The following ARHGAP24 variants were observed in gnomAD, a reference collection of about 807,000 sequenced individuals.
ARHGAP24 encodes the protein rho GTPase-activating protein 24.
A neutral mutation model predicts 76.4 loss-of-function variants in ARHGAP24; 50 were observed. That is an observed-to-expected ratio of 0.65 (90% confidence interval 0.52 to 0.83). The LOEUF is 0.83. Among genes scored for constraint, ARHGAP24 ranks in the 40% least tolerant of loss-of-function variants. The pLI is 0.00. For missense variants in ARHGAP24, 930 were observed against 914.2 expected, an observed-to-expected ratio of 1.02 and a Z score of -0.22; for synonymous variants, 345 against 323.3, an observed-to-expected ratio of 1.07 and a Z score of -0.72.
chr4:85,536,508 C>T (rs1037600419), intron 1 of ARHGAP24, among the ~76,000 whole-genome samples: 2 of 152,086 alleles, frequency 1.3e-5, no homozygotes, highest in Non-Finnish European at 1.5e-5. Context: ...AAAAGTTATA[C>T]ACTTTTTTAT....
chr4:85,923,879 T>C (rs1444808892), intron 4 of ARHGAP24, 109 bp downstream of exon 4: 7 of 1,487,384 alleles, frequency 4.7e-6, no homozygotes, highest in Non-Finnish European at 5.6e-6. Flanking sequence ...GGGTGAATGT[T>C]AAAATAAATT....
intron 1 of ARHGAP24, among the ~76,000 whole-genome samples, chr4:85,479,631 AG>A (rs567314773): frequency 3.0e-4 from 46 of 152,310 alleles, no homozygotes; most frequent in African/African-American, 1.1e-3. Flanking sequence ...GGAAATTTAG[AG>A]GGGCAGCTTC....
intron 3 of ARHGAP24, among the ~76,000 whole-genome samples, chr4:85,863,091 C>G (rs1731993713): frequency 6.6e-6 from 1 of 152,132 alleles, no homozygotes; most frequent in African/African-American, 2.4e-5. Flanking sequence ...TCTCTAATCT[C>G]ATCTTGGGCC....
chr4:85,741,172 C>T (rs72656269), intron 3 of ARHGAP24, among the ~76,000 whole-genome samples: 11,129 of 152,148 alleles, frequency 0.073, 480 homozygotes, highest in Middle Eastern at 0.1. Context: ...AGGAGGTTTT[C>T]CTTCCTTCGG....
chr4:85,904,435 C>G (rs1378344783), intron 3 of ARHGAP24, among the ~76,000 whole-genome samples: 2 of 152,226 alleles, frequency 1.3e-5, no homozygotes, highest in African/African-American at 4.8e-5. Flanking sequence ...ACACTTCCCT[C>G]TCAGTCCCCA....
intron 1 of ARHGAP24, among the ~76,000 whole-genome samples, chr4:85,499,831 G>T (rs1723731731): frequency 6.6e-6 from 1 of 152,120 alleles, no homozygotes; most frequent in Non-Finnish European, 1.5e-5. Flanking sequence ...GAGGAACAGA[G>T]TTTTTAAGTT....
chr4:85,753,143 T>C (rs1726327291), intron 3 of ARHGAP24, among the ~76,000 whole-genome samples: 1 of 152,180 alleles, frequency 6.6e-6, no homozygotes, highest in Non-Finnish European at 1.5e-5. Context: ...AAAGAAAGAA[T>C]GTGTCTTTTT....
At chr4:85,964,516 T>C (rs1382537382) in intron 5 of ARHGAP24, among the ~76,000 whole-genome samples, 1 of 151,932 alleles carries the variant, frequency 6.6e-6, no homozygotes, top group African/African-American at 2.4e-5. Context: ...CAACACCACT[T>C]AGAGGCCAGC....
At chr4:85,874,548 C>T (rs1210715261) in intron 3 of ARHGAP24, among the ~76,000 whole-genome samples, 1 of 151,830 alleles carries the variant, frequency 6.6e-6, no homozygotes, top group Non-Finnish European at 1.5e-5. Flanking sequence ...TGTGAGAAAG[C>T]TCATCCCTGA....
intron 2 of ARHGAP24, among the ~76,000 whole-genome samples, chr4:85,642,999 A>C (rs12506145): frequency 5.9e-5 from 9 of 151,818 alleles, no homozygotes; most frequent in Non-Finnish European, 1.0e-4. Flanking sequence ...TCAAAACCCC[A>C]GTCATAATCC....
At chr4:86,000,442 C>CGGGGGGGGGGGGGGGGGGG in intron 9 of ARHGAP24, 37 bp from the exon 10 acceptor site, 3 of 807,892 alleles carry the variant, frequency 3.7e-6, no homozygotes, top group Non-Finnish European at 3.9e-6. Flanking sequence ...CTTACTCTTG[C>CGGGGGGGGGGGGGGGGGGG]GTCCCCACCC....
At chr4:85,858,944 A>AG (rs1277662432) in intron 3 of ARHGAP24, among the ~76,000 whole-genome samples, 1 of 129,938 alleles carries the variant, frequency 7.7e-6, no homozygotes, top group Non-Finnish European at 1.9e-5. Flanking sequence ...TATGGTACTC[A>AG]GAAAAAAAAA....
intron 6 of ARHGAP24, 144 bp downstream of exon 6, chr4:85,972,312 T>C (rs1578450240): frequency 9.8e-7 from 1 of 1,024,352 alleles, no homozygotes; most frequent in African/African-American, 1.7e-5. Context: ...CACTGAGACT[T>C]TCCGTATACA....
chr4:85,819,630 A>G (rs1034957313), intron 3 of ARHGAP24, among the ~76,000 whole-genome samples: 3 of 152,348 alleles, frequency 2.0e-5, no homozygotes, highest in African/African-American at 7.2e-5. Flanking sequence ...TTTTTGAAAA[A>G]TAGACTGGCC....
At chr4:85,979,311 CGTT>C (rs1247998866) in intron 8 of ARHGAP24, among the ~76,000 whole-genome samples, 2 of 152,000 alleles carry the variant, frequency 1.3e-5, no homozygotes, top group African/African-American at 4.8e-5. Context: ...TTTTTCAACT[CGTT>C]ATTGTGGTAA....
At position 85,569,217 on chromosome 4, in the gene ARHGAP24, T is replaced by C. The variant is rs556936217; in HGVS notation, c.-20-1305T>C. 3.3e-5 allele frequency among the ~76,000 whole-genome samples: 5 copies of C among 152,364 alleles called. No individual in the cohort carries two copies. In the South Asian group the frequency reaches 6.2e-4, roughly 19 times the overall value. On this transcript the variant is annotated intron_variant, in intron 1 of 9. Transcript: ENST00000395184. ...TGATAAAACAGGGACTTTGTTTATA[T>C]GCCTGGACAGGAATAATCTACGTTT...
intron 2 of ARHGAP24, among the ~76,000 whole-genome samples, chr4:85,647,661 T>C (rs1721774285): frequency 6.6e-6 from 1 of 152,154 alleles, no homozygotes; most frequent in African/African-American, 2.4e-5. Context: ...CTACAGTAGT[T>C]GATCAGGAGA....
intron 3 of ARHGAP24, among the ~76,000 whole-genome samples, chr4:85,888,590 T>C (rs1387432938): frequency 1.3e-5 from 2 of 152,064 alleles, no homozygotes; most frequent in Non-Finnish European, 2.9e-5. Flanking sequence ...ATTTACACCA[T>C]CTTGGACACC....
At chr4:85,898,256 C>G (rs919790564) in intron 3 of ARHGAP24, among the ~76,000 whole-genome samples, 7 of 151,858 alleles carry the variant, frequency 4.6e-5, no homozygotes, top group South Asian at 2.1e-4. Context: ...GAAAACAGAA[C>G]CATCTCCATC....
Sources: gnomAD v4.1 joint callset for allele counts (sites outside exome capture counted in the v4.1 genomes callset) on GRCh38, gnomAD v4.1.1 for gene constraint, MANE v1.5 for transcripts, NCBI Gene and HGNC (gene_info 2026-07-23, HGNC 2026-07-21) for gene names.